CNTN4: variants seen among roughly 807,000 people sequenced by gnomAD.
The protein encoded by CNTN4 is contactin 4, also known as contactin-4.
A neutral mutation model predicts 122.5 loss-of-function variants in CNTN4; 77 were observed. The observed-to-expected ratio is 0.63, with a 90% CI of 0.52 to 0.76. CNTN4 has a LOEUF of 0.76. CNTN4 is among the 30% of genes least tolerant of loss of function. The pLI is 0.00. For synonymous variants in CNTN4, 512 were observed against 447.0 expected, an observed-to-expected ratio of 1.15 and a Z score of -1.83; for missense variants, 1,256 against 1,259.1, an observed-to-expected ratio of 1.00 and a Z score of 0.04.
intron 4 of CNTN4, among the ~76,000 whole-genome samples, chr3:2,672,583 C>T (rs549739026): frequency 2.0e-5 from 3 of 152,320 alleles, no homozygotes; most frequent in South Asian, 4.1e-4. Flanking sequence ...ATGCGTCGCC[C>T]TGCTTCGGCT....
chr3:2,222,480 G>T (rs555278274), intron 2 of CNTN4, among the ~76,000 whole-genome samples: 1 of 151,962 alleles, frequency 6.6e-6, no homozygotes, highest in Non-Finnish European at 1.5e-5. Context: ...TCTGAAATTG[G>T]GTGGAAACTC....
intron 4 of CNTN4, among the ~76,000 whole-genome samples, chr3:2,596,142 T>A (rs1398048981): frequency 1.3e-5 from 2 of 152,192 alleles, no homozygotes; most frequent in African/African-American, 4.8e-5. Context: ...CTGAATATAT[T>A]TTTAAGAATC....
intron 22 of CNTN4, 36 bp downstream of exon 22, chr3:3,043,199 T>C: frequency 6.3e-7 from 1 of 1,590,556 alleles, no homozygotes; most frequent in Non-Finnish European, 8.6e-7. Context: ...TTTTGGGGAT[T>C]CATCACACAT....
At chr3:2,840,658 CACT>C (rs2093345168) in intron 7 of CNTN4, among the ~76,000 whole-genome samples, 1 of 147,400 alleles carries the variant, frequency 6.8e-6, no homozygotes, top group African/African-American at 2.5e-5. Context: ...AAGATCACAC[CACT>C]GCACTCCAGC....
intron 3 of CNTN4, among the ~76,000 whole-genome samples, chr3:2,545,830 A>C (rs561693007): frequency 1.6e-4 from 25 of 151,870 alleles, no homozygotes; most frequent in African/African-American, 6.0e-4. Flanking sequence ...CCACCTTGCC[A>C]CTCTGTGCCT....
At chr3:3,050,156 T>G (rs1701109048) in intron 23 of CNTN4, among the ~76,000 whole-genome samples, 1 of 152,158 alleles carries the variant, frequency 6.6e-6, no homozygotes, top group Non-Finnish European at 1.5e-5. Context: ...AAATGGCGAA[T>G]TTCAACATGA....
chr3:2,574,988 C>T (rs1007706622), intron 4 of CNTN4, among the ~76,000 whole-genome samples: 3 of 152,006 alleles, frequency 2.0e-5, no homozygotes, highest in Non-Finnish European at 4.4e-5. Flanking sequence ...TCCTAGTCCA[C>T]CACTTTGTGA....
intron 21 of CNTN4, chr3:3,042,722 A>G (rs1700276779): frequency 1.7e-6 from 1 of 586,960 alleles, no homozygotes. Flanking sequence ...CAAAACAAAC[A>G]TGGGAAAAAA....
chr3:2,600,779 G>A (rs1341744197), intron 4 of CNTN4, among the ~76,000 whole-genome samples: 1 of 152,192 alleles, frequency 6.6e-6, no homozygotes, highest in Non-Finnish European at 1.5e-5. Context: ...TCTCCACACT[G>A]TCTTCCACAA....
chr3:2,848,855 C>T (rs2093499086), intron 7 of CNTN4, among the ~76,000 whole-genome samples: 1 of 152,200 alleles, frequency 6.6e-6, no homozygotes, highest in African/African-American at 2.4e-5. Flanking sequence ...ATAGAAAATG[C>T]TGATTGGGCA....
intron 3 of CNTN4, among the ~76,000 whole-genome samples, chr3:2,456,620 A>G (rs1330650239): frequency 6.6e-6 from 1 of 152,094 alleles, no homozygotes; most frequent in Non-Finnish European, 1.5e-5. Context: ...ACCATACAAT[A>G]TGTAACCTTC....
intron 3 of CNTN4, among the ~76,000 whole-genome samples, chr3:2,339,544 AGTT>A (rs1046917071): frequency 5.3e-5 from 8 of 152,200 alleles, no homozygotes; most frequent in East Asian, 1.9e-4. Context: ...TTGGGAATAA[AGTT>A]GTTGTACTTT....
chr3:2,961,585 C>G (rs1002986880), intron 13 of CNTN4, among the ~76,000 whole-genome samples: 2 of 152,090 alleles, frequency 1.3e-5, no homozygotes, highest in Non-Finnish European at 2.9e-5. Context: ...CCTGTTATAT[C>G]AAATGTTGTT....
At chr3:2,965,008 G>T (rs999859207) in intron 13 of CNTN4, among the ~76,000 whole-genome samples, 5 of 152,310 alleles carry the variant, frequency 3.3e-5, no homozygotes, top group East Asian at 3.9e-4. Context: ...GTTTTCTGAT[G>T]TGTAAATGGA....
intron 14 of CNTN4, among the ~76,000 whole-genome samples, chr3:2,989,400 T>G (rs1226226128): frequency 6.6e-6 from 1 of 152,128 alleles, no homozygotes; most frequent in African/African-American, 2.4e-5. Flanking sequence ...TACAGATGGG[T>G]CATATCATAT....
At chr3:2,280,711 C>T (rs2041683090) in intron 2 of CNTN4, among the ~76,000 whole-genome samples, 1 of 152,198 alleles carries the variant, frequency 6.6e-6, no homozygotes, top group Non-Finnish European at 1.5e-5. Flanking sequence ...ACTTGTATTG[C>T]CTGCTTCCTT....
At chr3:2,720,009 G>A (rs1359298460) in intron 4 of CNTN4, among the ~76,000 whole-genome samples, 1 of 152,006 alleles carries the variant, frequency 6.6e-6, no homozygotes, top group African/African-American at 2.4e-5. Context: ...ATAAAAGCTG[G>A]GGAACAATGA....
intron 3 of CNTN4, among the ~76,000 whole-genome samples, chr3:2,354,717 A>G (rs1214684284): frequency 6.6e-6 from 1 of 151,894 alleles, no homozygotes; most frequent in Non-Finnish European, 1.5e-5. Context: ...CTGGTATTGC[A>G]GAAAAAAAAA....
At chr3:2,246,161 TA>T (rs928397336) in intron 2 of CNTN4, among the ~76,000 whole-genome samples, 1 of 151,842 alleles carries the variant, frequency 6.6e-6, no homozygotes, top group Non-Finnish European at 1.5e-5. Context: ...TGTGTTTTTT[TA>T]AAAAAAATAT....
Sources: gnomAD v4.1 joint callset for allele counts (sites outside exome capture counted in the v4.1 genomes callset) on GRCh38, gnomAD v4.1.1 for gene constraint, MANE v1.5 for transcripts, NCBI Gene and HGNC (gene_info 2026-07-23, HGNC 2026-07-21) for gene names.